Variants in TMIGD3 observed in about 807,000 individuals in gnomAD.
The protein encoded by TMIGD3 is AD026 protein (AD026).
TMIGD3 carries 21 observed loss-of-function variants against 28.1 expected under a neutral mutation model. That is an observed-to-expected ratio of 0.75 (90% CI 0.53 to 1.08). The LOEUF (loss-of-function observed/expected upper bound fraction) is 1.08. Among genes scored for constraint, TMIGD3 ranks in the 50% least tolerant of loss-of-function variants. The pLI, the probability that TMIGD3 is intolerant of heterozygous loss-of-function variation, is 0.00. For synonymous variants in TMIGD3, 151 were observed against 162.1 expected (o/e 0.93, Z 0.52); for missense variants, 416 against 435.6 (o/e 0.96, Z 0.40).
At chr1:111,490,509 T>C (rs1468791108) in intron 2 of TMIGD3, 147 bp downstream of exon 2, 1 of 619,998 alleles carries the variant, frequency 1.6e-6, no homozygotes, top group Non-Finnish European at 2.9e-6. Context: ...GGACAAGACC[T>C]ATTTTCATCG....
upstream of TMIGD3, among the ~76,000 whole-genome samples, chr1:111,505,563 A>G (rs1450768562): frequency 6.6e-6 from 1 of 152,198 alleles, no homozygotes; most frequent in Non-Finnish European, 1.5e-5. Context: ...GTCACTTAAC[A>G]TTTTGGCCTG....
In TMIGD3 at chr1:111,538,704, A is replaced by AT. The variant is rs530322800; in HGVS notation, c.107+25141dup. On this transcript the variant is annotated intron_variant, in intron 1 of 5. Coordinates refer to the TMIGD3 transcript ENST00000369717. ...TCAAGAATTCGAGAATTGAAGTTAC[A>AT]TAAAGCATGTTTCCATCTAAATGCA... Among the ~76,000 whole-genome samples the AT allele has an allele frequency of 2.0e-3, 302 of 152,334 alleles. 3 individuals carry two copies. The highest frequency in any genetic ancestry group is 3.2e-3 in the Admixed American group (49 of 15,302).
intron 1 of TMIGD3, among the ~76,000 whole-genome samples, chr1:111,523,464 G>T (rs1656148381): frequency 6.6e-6 from 1 of 151,942 alleles, no homozygotes; most frequent in African/African-American, 2.4e-5. Context: ...AATGTCGTCT[G>T]ATTTCAATAA....
At chr1:111,497,175 A>T (rs541589530) in intron 1 of TMIGD3, among the ~76,000 whole-genome samples, 74 of 152,050 alleles carry the variant, frequency 4.9e-4, no homozygotes, top group Admixed American at 2.0e-3. Context: ...CAGTGGCACG[A>T]TCTCGGCTCA....
At chr1:111,535,259 C>T (rs1053164401) in intron 1 of TMIGD3, among the ~76,000 whole-genome samples, 1 of 152,212 alleles carries the variant, frequency 6.6e-6, no homozygotes, top group Non-Finnish European at 1.5e-5. Flanking sequence ...ACTCCAGGTT[C>T]CTTTTGTGCT....
At chr1:111,497,177 CT>C in intron 1 of TMIGD3, among the ~76,000 whole-genome samples, 1 of 152,170 alleles carries the variant, frequency 6.6e-6, no homozygotes. Flanking sequence ...GTGGCACGAT[CT>C]CGGCTCACTG....
chr1:111,534,453 CTGG>C (rs1486442370), intron 1 of TMIGD3, among the ~76,000 whole-genome samples: 1 of 152,228 alleles, frequency 6.6e-6, no homozygotes, highest in Non-Finnish European at 1.5e-5. Flanking sequence ...AAGGACAGGA[CTGG>C]TTTGCTGCTG....
At chr1:111,560,996 C>A (rs185889086) in intron 1 of TMIGD3, among the ~76,000 whole-genome samples, 1 of 152,214 alleles carries the variant, frequency 6.6e-6, no homozygotes, top group African/African-American at 2.4e-5. Context: ...AAAGCCCATC[C>A]TTTACTAGGC....
At chr1:111,521,181 A>C (rs1428767113) in intron 1 of TMIGD3, among the ~76,000 whole-genome samples, 1 of 151,792 alleles carries the variant, frequency 6.6e-6, no homozygotes, top group African/African-American at 2.4e-5. Flanking sequence ...TTGCTTGTGC[A>C]TTCACCTATT....
intron 1 of TMIGD3, among the ~76,000 whole-genome samples, chr1:111,547,677 GAT>G (rs984866061): frequency 6.6e-6 from 1 of 152,154 alleles, no homozygotes; most frequent in Non-Finnish European, 1.5e-5. Flanking sequence ...TAAAGATTAA[GAT>G]ATAGGAAGAA....
chr1:111,499,208 G>A (rs974514544), intron 1 of TMIGD3, among the ~76,000 whole-genome samples: 3 of 152,098 alleles, frequency 2.0e-5, no homozygotes, highest in Non-Finnish European at 4.4e-5. Flanking sequence ...TGAAACACCA[G>A]GGGAAATGAA....
chr1:111,503,265 G>C lies in TMIGD3; in HGVS notation c.90C>G (p.Asn30Lys). Residue 30 changes from asparagine (N) to lysine (K), a missense_variant, in exon 1 of 6, where the codon AAC (asparagine) becomes AAG (lysine). Coordinates refer to ENST00000369716, the MANE Select transcript of TMIGD3 (RefSeq NM_020683.7). Reference sequence around the variant, plus strand: ...GCTTGACCACGCAGATGACCAGCACGTTGCCCACTATGGCGCAGAGTCCAA... The same window carrying C: ...GCTTGACCACGCAGATGACCAGCACCTTGCCCACTATGGCGCAGAGTCCAA... ...IFIGLCAIVG[N>K]VLVICVVKLN... The C allele has an allele frequency of 6.2e-7, 1 of 1,614,220 alleles. No homozygotes were observed. The highest frequency in any genetic ancestry group is 1.7e-5 in the Admixed American group (1 of 60,022).
At chr1:111,561,501 A>G (rs1657734881) in intron 1 of TMIGD3, among the ~76,000 whole-genome samples, 1 of 152,122 alleles carries the variant, frequency 6.6e-6, no homozygotes, top group Non-Finnish European at 1.5e-5. Context: ...CAGATTGTGT[A>G]TGTATTGGGG....
chr1:111,489,319 T>G, intron 2 of TMIGD3: 1 of 359,280 alleles, frequency 2.8e-6, no homozygotes, highest in Non-Finnish European at 5.1e-6. Context: ...ATTCAGCTGA[T>G]GTCCTTATAA....
At chr1:111,502,933 G>C in intron 1 of TMIGD3, 72 bp downstream of exon 1, 6 of 1,554,452 alleles carry the variant, frequency 3.9e-6, no homozygotes, top group South Asian at 1.2e-5. Context: ...TACTCAAAAA[G>C]TCTGGGCTCT....
At chr1:111,524,534 C>G (rs1219543565) in intron 1 of TMIGD3, among the ~76,000 whole-genome samples, 2 of 152,192 alleles carry the variant, frequency 1.3e-5, no homozygotes, top group East Asian at 3.8e-4. Flanking sequence ...CCTCTAAGCA[C>G]TGCTTTAGCT....
chr1:111,550,672 C>T (rs1238649482), intron 1 of TMIGD3, among the ~76,000 whole-genome samples: 1 of 152,162 alleles, frequency 6.6e-6, no homozygotes, highest in Non-Finnish European at 1.5e-5. Context: ...TGACTTCCAA[C>T]ATTTTAAAAG....
intron 1 of TMIGD3, among the ~76,000 whole-genome samples, chr1:111,508,767 GGT>G (rs1250376380): frequency 6.6e-6 from 1 of 152,192 alleles, no homozygotes; most frequent in Admixed American, 6.5e-5. Context: ...CCACAAGGCA[GGT>G]ATCATCAATC....
At chr1:111,544,559 G>T (rs1243744445) in intron 1 of TMIGD3, among the ~76,000 whole-genome samples, 2 of 152,108 alleles carry the variant, frequency 1.3e-5, no homozygotes, top group African/African-American at 4.8e-5. Context: ...TTTTGTAGTT[G>T]AATAACGTTC....
Sources: gnomAD v4.1 joint callset for allele counts (sites outside exome capture counted in the v4.1 genomes callset) on GRCh38, gnomAD v4.1.1 for gene constraint, MANE v1.5 for transcripts, NCBI Gene and HGNC (gene_info 2026-07-23, HGNC 2026-07-21) for gene names.